The following CCSER1 variants were observed in gnomAD, a reference collection of about 807,000 sequenced individuals.
CCSER1 encodes serine-rich coiled-coil domain-containing protein 1.
A neutral mutation model predicts 82.0 loss-of-function variants in CCSER1; 41 were observed. That is an observed-to-expected ratio of 0.50 (90% CI 0.39 to 0.65). The LOEUF is 0.65. CCSER1 is among the 30% of genes least tolerant of loss of function. The pLI is 0.00. For synonymous variants in CCSER1, 414 were observed against 383.9 expected (o/e 1.08, Z -0.92); for missense variants, 1,119 against 1,064.2 (o/e 1.05, Z -0.72).
intron 5 of CCSER1, among the ~76,000 whole-genome samples, chr4:90,609,532 T>G (rs764932710): frequency 1.3e-5 from 2 of 152,198 alleles, no homozygotes; most frequent in Non-Finnish European, 1.5e-5. Context: ...TCTAAAGATA[T>G]TATCCCAACC....
chr4:91,014,137 T>C (rs1292968452), intron 9 of CCSER1, among the ~76,000 whole-genome samples: 1 of 126,116 alleles, frequency 7.9e-6, no homozygotes, highest in African/African-American at 2.6e-5. Context: ...AGCGGGATTT[T>C]ACTTTATTTC....
At position 90,815,842 on chromosome 4, in the gene CCSER1, G is replaced by C. The variant is rs1758939069; in HGVS notation, c.2091G>C (p.Glu697Asp). 6.5e-7 allele frequency: 1 copy of C among 1,549,614 alleles called. No individual in the cohort carries two copies. The highest frequency in any genetic ancestry group is 1.4e-5 in the African/African-American group (1 of 73,032). Residue 697 changes from glutamate (E) to aspartate (D), a missense_variant, in exon 8 of 11, where the codon GAG (glutamate) becomes GAC (aspartate). Coordinates refer to ENST00000509176, the MANE Select transcript of CCSER1 (RefSeq NM_001145065.2). ...AACTCATTTCCCAACTTCAGGAAGA[G>C]CTGGTAAGTGATAACAATGCTTGGC... ...KDELISQLQE[E>D]LGKVRHLQKA...
At chr4:90,915,860 T>G (rs368519580) in intron 8 of CCSER1, among the ~76,000 whole-genome samples, 1 of 151,932 alleles carries the variant, frequency 6.6e-6, no homozygotes, top group Non-Finnish European at 1.5e-5. Context: ...AGCATTCTTA[T>G]ACACCAATAA....
intron 6 of CCSER1, among the ~76,000 whole-genome samples, chr4:90,693,061 A>C (rs1245591265): frequency 1.3e-5 from 2 of 151,968 alleles, no homozygotes; most frequent in Non-Finnish European, 2.9e-5. Context: ...GTAAAGTGTC[A>C]CTTGTGCGGA....
intron 6 of CCSER1, among the ~76,000 whole-genome samples, chr4:90,714,167 T>C (rs1444209018): frequency 6.6e-6 from 1 of 152,044 alleles, no homozygotes. Context: ...AAATATCTAC[T>C]TTTAAATATC....
At position 90,308,673 on chromosome 4, in the gene CCSER1, C is replaced by A; in HGVS notation, c.389C>A (p.Ser130Tyr). 2 of 1,613,574 alleles carry A rather than the reference C, an allele frequency of 1.2e-6. No homozygotes were observed. Among genetic ancestry groups the A allele is most frequent in the Non-Finnish European group, 8.5e-7 (1 of 1,179,764 alleles). ...SSSRNKKITR[S>Y]LTEDFEREKE... Reference sequence around the variant, plus strand: ...TCACGAAATAAGAAGATAACAAGATCTTTGACAGAGGATTTTGAAAGGGAA... The same window carrying A: ...TCACGAAATAAGAAGATAACAAGATATTTGACAGAGGATTTTGAAAGGGAA... Residue 130 changes from serine (S) to tyrosine (Y), a missense_variant, in exon 2 of 11, where the codon TCT (serine) becomes TAT (tyrosine). Ser to Tyr is a moderately radical substitution (Grantham distance 144). Coordinates refer to ENST00000509176, the MANE Select transcript of CCSER1 (RefSeq NM_001145065.2).
Position 90,780,701 on chromosome 4 carries a change from G to T in CCSER1, c.2011-35061G>T, listed in dbSNP as rs1416490442. On this transcript the variant is annotated intron_variant, in intron 7 of 10. Transcript: ENST00000509176. ...GGAGGCTCTGTAAGCAAGACAAACG[G>T]TCAGGAGGCCTCCTTGCTCCAAGAA... 21 of 1,311,534 alleles carry T rather than the reference G, an allele frequency of 1.6e-5. No homozygotes were observed. In the East Asian group the frequency reaches 5.6e-4, roughly 35 times the overall value. 81.2% of individuals were successfully genotyped at this position (1,311,534 alleles called of 1,614,324 possible). A position where few individuals can be genotyped will look rare whatever the true frequency, so the allele number is the denominator to read the frequency against.
intron 5 of CCSER1, among the ~76,000 whole-genome samples, chr4:90,548,727 G>GATATAT (rs60880201): frequency 5.8e-4 from 83 of 143,656 alleles, no homozygotes; most frequent in African/African-American, 9.6e-4. Context: ...ATCATTTAAA[G>GATATAT]ATATATATAT....
chr4:90,203,924 G>A (rs1436040768), intron 1 of CCSER1, among the ~76,000 whole-genome samples: 19 of 152,050 alleles, frequency 1.2e-4, no homozygotes, highest in Admixed American at 1.2e-3. Flanking sequence ...GTTTTGATTT[G>A]CATTTCTCTA....
intron 1 of CCSER1, among the ~76,000 whole-genome samples, chr4:90,295,915 C>T (rs933130076): frequency 2.6e-5 from 4 of 151,924 alleles, no homozygotes; most frequent in African/African-American, 9.7e-5. Context: ...GGCTCTGCTT[C>T]TAGGAAATCT....
At chr4:90,822,866 CATT>C (rs1383424146) in intron 8 of CCSER1, among the ~76,000 whole-genome samples, 1 of 151,450 alleles carries the variant, frequency 6.6e-6, no homozygotes, top group Non-Finnish European at 1.5e-5. Flanking sequence ...CCCTTAATAA[CATT>C]ATTTAAACAA....
chr4:90,159,888 A>G (rs907540014), intron 1 of CCSER1, among the ~76,000 whole-genome samples: 1 of 152,210 alleles, frequency 6.6e-6, no homozygotes, highest in Non-Finnish European at 1.5e-5. Context: ...TACTCTTATT[A>G]ATAATATTTC....
At chr4:90,954,090 T>C (rs1337628185) in intron 9 of CCSER1, among the ~76,000 whole-genome samples, 1 of 152,024 alleles carries the variant, frequency 6.6e-6, no homozygotes, top group African/African-American at 2.4e-5. Flanking sequence ...AAGAAACTAA[T>C]GATTTTTATA....
At chr4:91,008,169 G>C (rs184148111) in intron 9 of CCSER1, among the ~76,000 whole-genome samples, 2 of 152,106 alleles carry the variant, frequency 1.3e-5, no homozygotes, top group Admixed American at 6.5e-5. Flanking sequence ...TCTGGATAAT[G>C]TTCCATGTAT....
chr4:90,324,089 T>G (rs1561028561), intron 3 of CCSER1, among the ~76,000 whole-genome samples: 1 of 152,200 alleles, frequency 6.6e-6, no homozygotes, highest in Admixed American at 6.5e-5. Flanking sequence ...TTTGGGTTGG[T>G]TCCAAGTCTT....
intron 10 of CCSER1, among the ~76,000 whole-genome samples, chr4:91,221,098 A>T (rs62311966): frequency 0.058 from 8,771 of 152,100 alleles, 488 homozygotes; most frequent in African/African-American, 0.14. Flanking sequence ...AACATTTTGG[A>T]AGGATGGCCT....
At chr4:90,338,533 C>G (rs1024560266) in intron 3 of CCSER1, among the ~76,000 whole-genome samples, 2 of 152,090 alleles carry the variant, frequency 1.3e-5, no homozygotes, top group Admixed American at 1.3e-4. Context: ...ACACTGATTA[C>G]CTTATGAGGG....
intron 1 of CCSER1, among the ~76,000 whole-genome samples, chr4:90,146,759 AGAT>A (rs1473429452): frequency 1.3e-5 from 2 of 152,222 alleles, no homozygotes; most frequent in Non-Finnish European, 2.9e-5. Flanking sequence ...TTTCACTAGA[AGAT>A]GATCAATTTT....
chr4:90,424,118 T>C (rs769183183), intron 4 of CCSER1, among the ~76,000 whole-genome samples: 1 of 151,680 alleles, frequency 6.6e-6, no homozygotes, highest in Admixed American at 6.6e-5. Context: ...AAATTCACAG[T>C]ATTTTATTTT....
Sources: gnomAD v4.1 joint callset for allele counts (sites outside exome capture counted in the v4.1 genomes callset) on GRCh38, gnomAD v4.1.1 for gene constraint, MANE v1.5 for transcripts, NCBI Gene and HGNC (gene_info 2026-07-23, HGNC 2026-07-21) for gene names.